RAPGEF1: variants seen among roughly 807,000 people sequenced by gnomAD.
The protein encoded by RAPGEF1 is CRK SH3-binding GNRP.
In RAPGEF1, 33 loss-of-function variants were observed where a neutral mutation model predicts 143.3. The observed-to-expected ratio is 0.23, with a 90% confidence interval of 0.17 to 0.31. The LOEUF is 0.31. Among genes scored for constraint, RAPGEF1 ranks in the 10% least tolerant of loss-of-function variants. The pLI is 1.00. For synonymous variants in RAPGEF1, 629 were observed against 676.5 expected, an observed-to-expected ratio of 0.93 and a Z score of 1.09; for missense variants, 1,199 against 1,645.4, an observed-to-expected ratio of 0.73 and a Z score of 4.69.
intron 1 of RAPGEF1, among the ~76,000 whole-genome samples, chr9:131,710,495 G>C (rs1835429427): frequency 6.6e-6 from 1 of 152,210 alleles, no homozygotes; most frequent in Non-Finnish European, 1.5e-5. Context: ...TAAAAAGGAA[G>C]ACAATGTCGA....
chr9:131,650,113 T>C lies in RAPGEF1; in HGVS notation c.315+16A>G, dbSNP rs781355914. The stretch of plus-strand genomic sequence containing the variant: ...GAAGGCAAGGCAAACCCAATTGTTC[T>C]TAATGTTACACTGACCTTCTGCCTT... On this transcript the variant is annotated intron_variant, in intron 3 of 26. Transcript: ENST00000683357. This position sits in a 1 kb window ranked among gnomAD's most constrained non-coding sequence, Gnocchi z 4.7. 3 of 1,591,466 alleles carry C rather than the reference T, an allele frequency of 1.9e-6. No individual in the cohort carries two copies. The highest frequency in any genetic ancestry group is 2.2e-5 in the South Asian group (2 of 89,730).
At chr9:131,727,440 C>T (rs1173037114) in intron 1 of RAPGEF1, among the ~76,000 whole-genome samples, 1 of 152,064 alleles carries the variant, frequency 6.6e-6, no homozygotes, top group Non-Finnish European at 1.5e-5. Flanking sequence ...AGTTCAAGGC[C>T]CTCCAATTAT....
At chr9:131,665,065 C>T (rs1301728137) in intron 1 of RAPGEF1, among the ~76,000 whole-genome samples, 1 of 152,162 alleles carries the variant, frequency 6.6e-6, no homozygotes, top group Non-Finnish European at 1.5e-5. Context: ...TCGGCATATA[C>T]ACAGTATAGG....
chr9:131,605,525 A>T (rs1956985143), intron 12 of RAPGEF1, among the ~76,000 whole-genome samples: 1 of 152,154 alleles, frequency 6.6e-6, no homozygotes, highest in Admixed American at 6.5e-5. Flanking sequence ...TCTGCTCAGG[A>T]ACTTCGTGGC....
chr9:131,629,072 G>T, intron 7 of RAPGEF1, 30 bp downstream of exon 7: 1 of 1,601,704 alleles, frequency 6.2e-7, no homozygotes, highest in South Asian at 1.1e-5. Context: ...TCTGCCATGG[G>T]AGGCACTGGA....
At chr9:131,599,618 A>G (rs1418715431) in intron 15 of RAPGEF1, among the ~76,000 whole-genome samples, 1 of 151,928 alleles carries the variant, frequency 6.6e-6, no homozygotes, top group Admixed American at 6.6e-5. Context: ...GATGGGAGAG[A>G]ACATTTCCCA....
chr9:131,727,786 T>A (rs1192531405), intron 1 of RAPGEF1, among the ~76,000 whole-genome samples: 1 of 139,428 alleles, frequency 7.2e-6, no homozygotes, highest in African/African-American at 2.7e-5. Flanking sequence ...TTTAGGGTAA[T>A]TAATAGAGAA....
At chr9:131,678,323 C>T (rs1832611884) in intron 1 of RAPGEF1, among the ~76,000 whole-genome samples, 1 of 152,194 alleles carries the variant, frequency 6.6e-6, no homozygotes, top group Non-Finnish European at 1.5e-5. Flanking sequence ...GGGACTTTTC[C>T]TAGCACAACA....
In RAPGEF1 at chr9:131,577,559, G is replaced by A. The variant is rs1350771628; in HGVS notation, c.*1938C>T. ...TCTCACAAATACAGGGAGAATTTCAGTTCACACAACCCAAGGGCCCTGTGT... is the reference window on the plus strand; with the variant it reads ...TCTCACAAATACAGGGAGAATTTCAATTCACACAACCCAAGGGCCCTGTGT... On this transcript the variant is annotated 3_prime_UTR_variant, in exon 27 of 27. Transcript: ENST00000683357. The A allele has an allele frequency of 4.6e-5, 7 of 152,248 alleles. No homozygotes were observed. Among genetic ancestry groups the A allele is most frequent in the African/African-American group, 1.7e-4 (7 of 41,454 alleles). 9.4% of individuals were successfully genotyped at this position (152,248 alleles called of 1,614,324 possible).
At chr9:131,712,301 ACT>A (rs1177437937) in intron 1 of RAPGEF1, among the ~76,000 whole-genome samples, 3 of 152,154 alleles carry the variant, frequency 2.0e-5, no homozygotes, top group East Asian at 1.9e-4. Context: ...GTGCTTAATA[ACT>A]CTCTGTTGAA....
chr9:131,603,933 A>G (rs1360132014), intron 14 of RAPGEF1, 28 bp downstream of exon 14: 3 of 1,276,032 alleles, frequency 2.4e-6, no homozygotes, highest in African/African-American at 1.5e-5. Flanking sequence ...GCCAGGCCAC[A>G]TGCAGGAGGC....
chr9:131,627,781 G>T, intron 9 of RAPGEF1, 132 bp downstream of exon 9: 1 of 874,418 alleles, frequency 1.1e-6, no homozygotes, highest in Non-Finnish European at 1.7e-6. Flanking sequence ...GGAAGCTGAG[G>T]CTCAGATTTT....
chr9:131,640,225 G>A (rs187316356), intron 4 of RAPGEF1, among the ~76,000 whole-genome samples: 114 of 152,360 alleles, frequency 7.5e-4, no homozygotes, highest in South Asian at 1.4e-3. Flanking sequence ...GGCTGGGCTG[G>A]ACCTCGCTCT....
chr9:131,632,999 C>G (rs968000934), intron 5 of RAPGEF1, among the ~76,000 whole-genome samples: 1 of 152,224 alleles, frequency 6.6e-6, no homozygotes, highest in Non-Finnish European at 1.5e-5. Context: ...TGAGCCACCA[C>G]GCTCAGCCAG....
intron 1 of RAPGEF1, among the ~76,000 whole-genome samples, chr9:131,689,818 G>A (rs980765083): frequency 1.3e-5 from 2 of 152,196 alleles, no homozygotes; most frequent in Non-Finnish European, 2.9e-5. Flanking sequence ...GATTACAGGC[G>A]CGAGCCACCG....
intron 4 of RAPGEF1, among the ~76,000 whole-genome samples, chr9:131,642,023 C>T (rs551034600): frequency 2.0e-5 from 3 of 152,304 alleles, no homozygotes; most frequent in Admixed American, 6.5e-5. Flanking sequence ...TGCGGAATTG[C>T]GACAGAGAAG....
chr9:131,706,124 T>C (rs1835036131), intron 1 of RAPGEF1, among the ~76,000 whole-genome samples: 1 of 152,134 alleles, frequency 6.6e-6, no homozygotes, highest in Non-Finnish European at 1.5e-5. Flanking sequence ...TGCCCAGGAT[T>C]CCCATTCACT....
At chr9:131,590,678 C>T (rs946574859) in intron 18 of RAPGEF1, among the ~76,000 whole-genome samples, 3 of 152,260 alleles carry the variant, frequency 2.0e-5, no homozygotes, top group East Asian at 1.9e-4. Context: ...TAGTGATCCA[C>T]GACCTTCCAA....
At chr9:131,709,242 G>C (rs1835328625) in intron 1 of RAPGEF1, among the ~76,000 whole-genome samples, 1 of 152,160 alleles carries the variant, frequency 6.6e-6, no homozygotes, top group South Asian at 2.1e-4. Context: ...AGCAACTCAG[G>C]AGGCTGAGGC....
Sources: gnomAD v4.1 joint callset for allele counts (sites outside exome capture counted in the v4.1 genomes callset) on GRCh38, gnomAD v4.1.1 for gene constraint, Gnocchi (gnomAD v3.1) non-coding constraint, MANE v1.5 for transcripts, NCBI Gene and HGNC (gene_info 2026-07-23, HGNC 2026-07-21) for gene names.